The following SRP68 variants were observed in gnomAD, a reference collection of about 807,000 sequenced individuals.
The protein encoded by SRP68 is signal recognition particle subunit SRP68.
SRP68 carries 15 observed loss-of-function variants against 82.2 expected under a neutral mutation model. The observed-to-expected ratio is 0.18, with a 90% CI of 0.12 to 0.28. The LOEUF is 0.28. Ranked by LOEUF, SRP68 falls within the 10% of genes least tolerant of loss-of-function variation. SRP68 has a pLI of 1.00. For synonymous variants in SRP68, 261 were observed against 292.6 expected (o/e 0.89, Z 1.10); for missense variants, 595 against 780.5 (o/e 0.76, Z 2.83).
intron 8 of SRP68, among the ~76,000 whole-genome samples, chr17:76,054,922 T>A (rs2066701894): frequency 6.6e-6 from 1 of 151,874 alleles, no homozygotes; most frequent in African/African-American, 2.4e-5. Flanking sequence ...TATGATGTCA[T>A]ATCAATGAAG....
At chr17:76,044,696 C>G (rs2066616684) in intron 12 of SRP68, 1 of 152,420 alleles carries the variant, frequency 6.6e-6, no homozygotes, top group South Asian at 2.1e-4. Flanking sequence ...AAGGCGTGCC[C>G]CTTTTCCCCT....
At chr17:76,044,025 G>A in intron 12 of SRP68, 67 bp from the exon 13 acceptor site, 7 of 1,535,010 alleles carry the variant, frequency 4.6e-6, no homozygotes, top group Non-Finnish European at 6.1e-6. Flanking sequence ...GGCTTTCCTT[G>A]CAGTTTAGGC....
intron 13 of SRP68, 92 bp downstream of exon 13, chr17:76,043,737 G>T (rs1020559212): frequency 7.1e-7 from 1 of 1,403,156 alleles, no homozygotes; most frequent in Non-Finnish European, 9.5e-7. Flanking sequence ...ACCAGCCTGA[G>T]GTGGCGCCCA....
intron 3 of SRP68, among the ~76,000 whole-genome samples, chr17:76,065,377 CT>C (rs2066798963): frequency 6.8e-6 from 1 of 146,540 alleles, no homozygotes; most frequent in South Asian, 2.1e-4. Context: ...TTGTTCAAGG[CT>C]GCAGTAAGCT....
intron 13 of SRP68, among the ~76,000 whole-genome samples, chr17:76,042,262 T>G (rs1465995354): frequency 2.6e-5 from 4 of 152,122 alleles, no homozygotes; most frequent in Non-Finnish European, 5.9e-5. Flanking sequence ...CAACAAGTTC[T>G]ATACCATCAC....
chr17:76,052,240 C>CA (rs1346035639), intron 8 of SRP68, among the ~76,000 whole-genome samples: 1 of 152,208 alleles, frequency 6.6e-6, no homozygotes, highest in Admixed American at 6.5e-5. Context: ...CTGCACTGGA[C>CA]AGTGCAGCAC....
intron 13 of SRP68, among the ~76,000 whole-genome samples, chr17:76,041,817 C>T (rs1276767123): frequency 2.0e-5 from 3 of 152,126 alleles, no homozygotes. Flanking sequence ...TTCTCTACCC[C>T]TCTGAGCTTG....
chr17:76,072,420 G>GCCGCCA lies in SRP68; in HGVS notation c.66_71dup (p.Gly25_Gly26dup). Reference sequence around the variant, plus strand: ...CACCACGTCCACCGCCGCTACCGCCGCCGCCACTGCCACCGCCGCCGCCAC... The same window carrying GCCGCCA: ...CACCACGTCCACCGCCGCTACCGCCGCCGCCACCGCCACTGCCACCGCCGCCGCCAC... On this transcript the variant is annotated inframe_insertion, in exon 1 of 16. Transcript: ENST00000307877. This position sits in a 1 kb window ranked among gnomAD's most constrained non-coding sequence, Gnocchi z 4.5. 1 of 1,583,734 alleles carries GCCGCCA rather than the reference G, an allele frequency of 6.3e-7. No individual in the cohort carries two copies. The highest frequency in any genetic ancestry group is 8.6e-7 in the Non-Finnish European group (1 of 1,167,352).
chr17:76,041,915 C>T (rs1378942511), intron 13 of SRP68, among the ~76,000 whole-genome samples: 8 of 151,652 alleles, frequency 5.3e-5, no homozygotes, highest in Admixed American at 1.3e-4. Context: ...TTTTTTGAGA[C>T]GGAGTCTCAC....
chr17:76,060,125 CA>C (rs1168111688), intron 7 of SRP68, among the ~76,000 whole-genome samples, 182 bp downstream of exon 7: 371 of 28,760 alleles, frequency 0.013, no homozygotes, highest in African/African-American at 0.026. Context: ...GACTCCATCT[CA>C]AAAAAAAAAA....
rs551997428 is a variant in SRP68 at position 76,057,384 on chromosome 17, G to T, written c.978+19C>A. On this transcript the variant is annotated intron_variant, in intron 8 of 15. Transcript: ENST00000307877. ...TCAGACACATACAGAAGACAGCACA[G>T]TAAGTTCTTCCTCCTCACCTGGACA... 1 of 1,614,124 alleles carries T rather than the reference G, an allele frequency of 6.2e-7. No individual in the cohort carries two copies. The highest frequency in any genetic ancestry group is 8.5e-7 in the Non-Finnish European group (1 of 1,180,006).
chr17:76,040,717 G>T (rs933193190), intron 14 of SRP68, 186 bp downstream of exon 14: 2 of 666,238 alleles, frequency 3.0e-6, no homozygotes, highest in South Asian at 1.8e-5. Flanking sequence ...AAGGGCCAGT[G>T]TAACAGTGCA....
chr17:76,054,772 G>A (rs1352090291), intron 8 of SRP68, among the ~76,000 whole-genome samples: 1 of 151,778 alleles, frequency 6.6e-6, no homozygotes, highest in African/African-American at 2.4e-5. Flanking sequence ...GCAGTGAGCT[G>A]AGATCACACC....
chr17:76,053,346 T>C (rs1421920107), intron 8 of SRP68: 3 of 447,346 alleles, frequency 6.7e-6, no homozygotes, highest in East Asian at 1.6e-4. Context: ...GCGCCCGTTT[T>C]AATTCCATGC....
intron 3 of SRP68, among the ~76,000 whole-genome samples, chr17:76,066,445 G>A (rs1341694716): frequency 5.1e-5 from 5 of 98,586 alleles, no homozygotes; most frequent in Admixed American, 1.1e-4. Flanking sequence ...GTGAGACTCC[G>A]TCTCAAAAAA....
At chr17:76,047,050 G>A (rs2066637553) in intron 10 of SRP68, among the ~76,000 whole-genome samples, 2 of 152,198 alleles carry the variant, frequency 1.3e-5, no homozygotes, top group Admixed American at 6.5e-5. Flanking sequence ...AAAGGTTGCA[G>A]TTAGCTCTAG....
At chr17:76,051,615 T>C (rs910080968) in intron 8 of SRP68, among the ~76,000 whole-genome samples, 30 of 152,204 alleles carry the variant, frequency 2.0e-4, no homozygotes, top group Admixed American at 1.9e-3. Context: ...ATTTCTTCTC[T>C]TTTCTTAGTC....
intron 13 of SRP68, among the ~76,000 whole-genome samples, chr17:76,042,173 G>A (rs547261350): frequency 6.6e-5 from 10 of 151,838 alleles, no homozygotes; most frequent in Non-Finnish European, 8.8e-5. Context: ...CGTGAGCCAC[G>A]GTGCCCGGCC....
chr17:76,040,059 ACAG>A, intron 15 of SRP68, 126 bp from the exon 16 acceptor site: 7 of 903,134 alleles, frequency 7.8e-6, no homozygotes, highest in Non-Finnish European at 1.2e-5. Context: ...CTCAATCCCG[ACAG>A]CCTCCTACGA....
Sources: gnomAD v4.1 joint callset for allele counts (sites outside exome capture counted in the v4.1 genomes callset) on GRCh38, gnomAD v4.1.1 for gene constraint, Gnocchi (gnomAD v3.1) non-coding constraint, MANE v1.5 for transcripts, NCBI Gene and HGNC (gene_info 2026-07-23, HGNC 2026-07-21) for gene names.